Variants in PARD3B observed in about 807,000 individuals in gnomAD.
PARD3B encodes par-3 family cell polarity regulator beta, also known as partitioning defective 3 homolog B.
PARD3B carries 103 observed loss-of-function variants against 130.2 expected under a neutral mutation model. The ratio of observed to expected loss-of-function variants is 0.79; its 90% CI spans 0.67 to 0.93. The LOEUF (loss-of-function observed/expected upper bound fraction) is 0.93, where lower values mean the gene tolerates loss of function less well. Ranked by LOEUF, PARD3B falls within the 40% of genes least tolerant of loss-of-function variation. The pLI is 0.00. For synonymous variants in PARD3B, 583 were observed against 553.2 expected (o/e 1.05, Z -0.76); for missense variants, 1,609 against 1,499.2 (o/e 1.07, Z -1.21).
At position 205,550,941 on chromosome 2, in the gene PARD3B, G is replaced by GTGTGTGTATATATA. The variant is rs1553542756; in HGVS notation, c.3181-2382_3181-2381insGTGTGTATATATAT. Among the ~76,000 whole-genome samples, 1 of 114,768 alleles carries GTGTGTGTATATATA rather than the reference G, an allele frequency of 8.7e-6. No homozygotes were observed. The highest frequency in any genetic ancestry group is 3.2e-5 in the African/African-American group (1 of 30,854). 75.3% of individuals were successfully genotyped at this position (114,768 alleles called of 152,430 possible). ...TATAATTATGTGTGTGTGTGTGTGT[G>GTGTGTGTATATATA]TATATATATATGTGTATATATATAT... On this transcript the variant is annotated intron_variant, in intron 21 of 22. Coordinates refer to ENST00000406610, the MANE Select transcript of PARD3B (RefSeq NM_001302769.2). This position sits in a 1 kb window ranked among gnomAD's most constrained non-coding sequence, Gnocchi z 4.5.
chr2:204,666,940 G>A (rs146333687), intron 1 of PARD3B, among the ~76,000 whole-genome samples: 162 of 152,276 alleles, frequency 1.1e-3, no homozygotes, highest in African/African-American at 3.8e-3. Flanking sequence ...AGTGAACATT[G>A]AGGGATTTGG....
chr2:204,944,050 TAGTG>T (rs1242664297), intron 2 of PARD3B, among the ~76,000 whole-genome samples: 5 of 151,586 alleles, frequency 3.3e-5, no homozygotes, highest in Non-Finnish European at 5.9e-5. Context: ...AGAAGAGAAA[TAGTG>T]AGACAAGAGA....
At chr2:204,611,972 T>C (rs1233529053) in intron 1 of PARD3B, among the ~76,000 whole-genome samples, 1 of 152,202 alleles carries the variant, frequency 6.6e-6, no homozygotes, top group Non-Finnish European at 1.5e-5. Context: ...CTCAGATCAT[T>C]TCAGGAGTTA....
intron 2 of PARD3B, among the ~76,000 whole-genome samples, chr2:204,711,754 A>C (rs1450782339): frequency 1.3e-5 from 2 of 151,952 alleles, no homozygotes; most frequent in Non-Finnish European, 2.9e-5. Flanking sequence ...CGCCATGTTG[A>C]CCAGGCTGGT....
chr2:205,542,144 CAAAAAAAAAAA>C (rs71032484), intron 21 of PARD3B, among the ~76,000 whole-genome samples: 56 of 38,072 alleles, frequency 1.5e-3, no homozygotes, highest in East Asian at 5.0e-3. Context: ...ACTCCGTCTC[CAAAAAAAAAAA>C]AAAAAAAAAA....
chr2:205,368,920 G>C (rs1362966540), intron 18 of PARD3B, among the ~76,000 whole-genome samples: 1 of 151,696 alleles, frequency 6.6e-6, no homozygotes, highest in Non-Finnish European at 1.5e-5. Flanking sequence ...TCTATGACTT[G>C]TCTTCCTCCT....
At chr2:204,964,586 A>G (rs1237195743) in intron 2 of PARD3B, among the ~76,000 whole-genome samples, 1 of 152,204 alleles carries the variant, frequency 6.6e-6, no homozygotes, top group African/African-American at 2.4e-5. Context: ...AAAGGCATGT[A>G]CAAAAATGGG....
intron 2 of PARD3B, among the ~76,000 whole-genome samples, chr2:204,895,375 T>A (rs983756214): frequency 3.9e-5 from 6 of 152,112 alleles, no homozygotes; most frequent in Admixed American, 2.6e-4. Context: ...TAACTTTGCA[T>A]TACCTAGCCC....
At chr2:205,009,628 G>A (rs892756608) in intron 3 of PARD3B, among the ~76,000 whole-genome samples, 4 of 147,952 alleles carry the variant, frequency 2.7e-5, no homozygotes, top group African/African-American at 7.5e-5. Flanking sequence ...CCGAGATTGC[G>A]CCACTGCACT....
At chr2:205,157,668 T>G (rs984967484) in intron 10 of PARD3B, among the ~76,000 whole-genome samples, 1 of 152,220 alleles carries the variant, frequency 6.6e-6, no homozygotes, top group Non-Finnish European at 1.5e-5. Context: ...CCCTTCAATG[T>G]GACCTTAAGA....
chr2:204,688,087 A>G (rs927828751), intron 2 of PARD3B, among the ~76,000 whole-genome samples: 2 of 152,156 alleles, frequency 1.3e-5, no homozygotes, highest in Non-Finnish European at 2.9e-5. Context: ...CTCTACCACC[A>G]TTACTAAATA....
chr2:205,071,293 A>G (rs758875010), intron 4 of PARD3B, among the ~76,000 whole-genome samples: 5 of 152,110 alleles, frequency 3.3e-5, no homozygotes, highest in Admixed American at 6.5e-5. Context: ...AGATCACTAT[A>G]TACCTTCATT....
At chr2:204,856,745 C>A (rs1191444264) in intron 2 of PARD3B, among the ~76,000 whole-genome samples, 2 of 151,918 alleles carry the variant, frequency 1.3e-5, no homozygotes, top group African/African-American at 4.8e-5. Flanking sequence ...TTTCATTTTT[C>A]TGCTTGTGAA....
chr2:204,695,800 AGGAT>A (rs2037582839), intron 2 of PARD3B, among the ~76,000 whole-genome samples: 1 of 152,006 alleles, frequency 6.6e-6, no homozygotes, highest in South Asian at 2.1e-4. Context: ...GGAAGGGAGG[AGGAT>A]GGTTATGTCA....
intron 18 of PARD3B, among the ~76,000 whole-genome samples, chr2:205,389,572 A>G (rs897402818): frequency 1.3e-5 from 2 of 152,130 alleles, no homozygotes; most frequent in Non-Finnish European, 2.9e-5. Context: ...CATGTTGGCC[A>G]GGCTGGTCTT....
Position 205,254,592 on chromosome 2 carries a change from C to A in PARD3B, c.2185+8770C>A, listed in dbSNP as rs141435964. ...GACATATATTTCAGGAATAGTATTGCCTCCTTACAAAGCACTCTTTTGTTC... is the reference window on the plus strand; with the variant it reads ...GACATATATTTCAGGAATAGTATTGACTCCTTACAAAGCACTCTTTTGTTC... On this transcript the variant is annotated intron_variant, in intron 16 of 22. Transcript: ENST00000406610. 4.6e-5 allele frequency among the ~76,000 whole-genome samples: 7 copies of A among 152,042 alleles called. No homozygotes were observed. The East Asian group carries it at 1.4e-3, about 29-fold the overall frequency.
At chr2:205,412,705 T>G (rs2046642177) in intron 19 of PARD3B, among the ~76,000 whole-genome samples, 1 of 152,206 alleles carries the variant, frequency 6.6e-6, no homozygotes, top group Admixed American at 6.5e-5. Flanking sequence ...TTTCTGAGAT[T>G]AACACTTTCC....
intron 18 of PARD3B, among the ~76,000 whole-genome samples, chr2:205,385,677 C>A (rs1181155176): frequency 6.6e-6 from 1 of 152,106 alleles, no homozygotes; most frequent in Non-Finnish European, 1.5e-5. Flanking sequence ...AGCACAGCCC[C>A]ATGCTGTCTG....
intron 18 of PARD3B, among the ~76,000 whole-genome samples, chr2:205,369,133 G>A (rs965570187): frequency 6.6e-6 from 1 of 152,156 alleles, no homozygotes; most frequent in South Asian, 2.1e-4. Flanking sequence ...TGCCTTAAAG[G>A]CAGTATTAAA....
Sources: gnomAD v4.1 joint callset for allele counts (sites outside exome capture counted in the v4.1 genomes callset) on GRCh38, gnomAD v4.1.1 for gene constraint, Gnocchi (gnomAD v3.1) non-coding constraint, MANE v1.5 for transcripts, NCBI Gene and HGNC (gene_info 2026-07-23, HGNC 2026-07-21) for gene names.